SNX5: variants seen among roughly 807,000 people sequenced by gnomAD.
SNX5 encodes the protein sorting nexin-5.
A neutral mutation model predicts 53.9 loss-of-function variants in SNX5; 31 were observed. That is an observed-to-expected ratio of 0.58 (90% CI 0.43 to 0.78). SNX5 has a LOEUF of 0.78. Ranked by LOEUF, SNX5 falls within the 30% of genes least tolerant of loss-of-function variation. SNX5 has a pLI of 0.00. For missense variants in SNX5, 471 were observed against 478.8 expected (o/e 0.98, Z 0.15); for synonymous variants, 168 against 171.1 (o/e 0.98, Z 0.14).
At chr20:17,967,939 C>A (rs371106805) in intron 1 of SNX5, 92 of 397,406 alleles carry the variant, frequency 2.3e-4, no homozygotes, top group African/African-American at 1.4e-3. Context: ...GGCCCCCCCC[C>A]CAAAAAAGTC....
At chr20:17,952,833 A>T (rs1052915395) in intron 4 of SNX5, 123 bp from the exon 5 acceptor site, 1 of 1,124,428 alleles carries the variant, frequency 8.9e-7, no homozygotes. Flanking sequence ...TGGACCAAAC[A>T]GTATTTCAGT....
At chr20:17,966,690 G>A (rs1239227592) in intron 1 of SNX5, among the ~76,000 whole-genome samples, 1 of 152,152 alleles carries the variant, frequency 6.6e-6, no homozygotes, top group African/African-American at 2.4e-5. Context: ...CCAAACCAAA[G>A]TAAATTATCA....
chr20:17,966,706 G>A (rs1032658352), intron 1 of SNX5, among the ~76,000 whole-genome samples: 1 of 152,138 alleles, frequency 6.6e-6, no homozygotes, highest in Non-Finnish European at 1.5e-5. Context: ...TATCAGGAGG[G>A]CATTTAAACA....
intron 1 of SNX5, chr20:17,967,924 G>C (rs1004591343): frequency 2.5e-6 from 1 of 393,562 alleles, no homozygotes; most frequent in African/African-American, 2.2e-5. Context: ...TTCCCAAGTT[G>C]TTTGGGCCCC....
intron 12 of SNX5, 70 bp downstream of exon 12, chr20:17,943,040 G>C (rs2039439013): frequency 9.2e-7 from 1 of 1,083,142 alleles, no homozygotes; most frequent in Admixed American, 1.7e-5. Flanking sequence ...ATGACAATGG[G>C]TTAGTAAACT....
At chr20:17,963,349 C>T (rs1368640440) in intron 1 of SNX5, among the ~76,000 whole-genome samples, 3 of 152,112 alleles carry the variant, frequency 2.0e-5, no homozygotes, top group Non-Finnish European at 4.4e-5. Context: ...GCCTTTACTC[C>T]TAACACTCTG....
chr20:17,965,175 G>A (rs1286709237), intron 1 of SNX5, among the ~76,000 whole-genome samples: 1 of 152,192 alleles, frequency 6.6e-6, no homozygotes, highest in Non-Finnish European at 1.5e-5. Flanking sequence ...GTTTAAACCA[G>A]TGATTCTCAA....
intron 1 of SNX5, chr20:17,967,963 G>C (rs551506747): frequency 5.0e-6 from 2 of 397,798 alleles, no homozygotes; most frequent in African/African-American, 4.1e-5. Flanking sequence ...TCAGTAAAAG[G>C]TGGGGGGAAG....
At chr20:17,944,462 T>C (rs1037154150) in intron 11 of SNX5, 1 of 152,252 alleles carries the variant, frequency 6.6e-6, no homozygotes. Context: ...CATTTTTAAA[T>C]CCAAAACAGT....
At chr20:17,961,289 G>A in intron 1 of SNX5, 1 of 985,412 alleles carries the variant, frequency 1.0e-6, no homozygotes, top group Non-Finnish European at 1.2e-6. Context: ...TCTTCAAAAG[G>A]TTTAATGGCT....
chr20:17,951,023 C>A (rs1164174013), intron 6 of SNX5: 1 of 158,370 alleles, frequency 6.3e-6, no homozygotes, highest in Non-Finnish European at 1.4e-5. Flanking sequence ...AATCATACCT[C>A]TAACGGTAAC....
At chr20:17,961,379 G>C in intron 1 of SNX5, 1 of 985,376 alleles carries the variant, frequency 1.0e-6, no homozygotes. Context: ...CAGGAGAACA[G>C]AAAAAATACA....
intron 1 of SNX5, chr20:17,967,613 A>C (rs2035570024): frequency 6.5e-6 from 1 of 153,842 alleles, no homozygotes; most frequent in Non-Finnish European, 1.4e-5. Context: ...TCTGCAAGAA[A>C]GGTTGCTCGC....
In SNX5 at chr20:17,962,139, T is replaced by A. The variant is rs995113104; in HGVS notation, c.52-5102A>T. On this transcript the variant is annotated intron_variant, in intron 1 of 12. Transcript: ENST00000377759. Reference sequence around the variant, plus strand: ...TGTGTTCAATCTCAGCTTTAGATTATGGCACTGGTGTGTGAGAAACAACTG... The same window carrying A: ...TGTGTTCAATCTCAGCTTTAGATTAAGGCACTGGTGTGTGAGAAACAACTG... 7 of 232,792 alleles carry A rather than the reference T, an allele frequency of 3.0e-5. No homozygotes were observed. In the East Asian group the frequency reaches 1.3e-3, roughly 43 times the overall value. The allele number at this position is 232,792 out of a possible 1,614,324, so 14.4% of individuals were successfully genotyped here.
intron 10 of SNX5, among the ~76,000 whole-genome samples, chr20:17,947,928 A>C (rs2039509443): frequency 6.6e-6 from 1 of 152,248 alleles, no homozygotes; most frequent in South Asian, 2.1e-4. Flanking sequence ...TTAACTTTAA[A>C]AATTAAATAT....
At chr20:17,945,280 A>G (rs1203742445) in intron 11 of SNX5, 1 of 152,224 alleles carries the variant, frequency 6.6e-6, no homozygotes, top group African/African-American at 2.4e-5. Context: ...CTCCTGTGAA[A>G]CCAGCCCTTA....
intron 5 of SNX5, 76 bp from the exon 6 acceptor site, chr20:17,951,671 T>C: frequency 2.1e-6 from 2 of 973,186 alleles, no homozygotes; most frequent in Non-Finnish European, 3.3e-6. Context: ...CTGAGTAACA[T>C]TTTAAGTAAT....
intron 2 of SNX5, 58 bp downstream of exon 2, chr20:17,956,875 C>T (rs2035370082): frequency 1.1e-6 from 1 of 880,968 alleles, no homozygotes; most frequent in South Asian, 1.3e-5. Flanking sequence ...CTCACATCCA[C>T]TGTGAATAAC....
At chr20:17,957,813 C>G (rs2035386532) in intron 1 of SNX5, among the ~76,000 whole-genome samples, 1 of 152,052 alleles carries the variant, frequency 6.6e-6, no homozygotes, top group Non-Finnish European at 1.5e-5. Flanking sequence ...GGGACTGTTT[C>G]AAATAGCCAA....
Sources: gnomAD v4.1 joint callset for allele counts (sites outside exome capture counted in the v4.1 genomes callset) on GRCh38, gnomAD v4.1.1 for gene constraint, MANE v1.5 for transcripts, NCBI Gene and HGNC (gene_info 2026-07-23, HGNC 2026-07-21) for gene names.